GLRB: variants seen among roughly 807,000 people sequenced by gnomAD.
GLRB encodes the protein glycine receptor beta, also known as glycine receptor subunit beta.
A neutral mutation model predicts 54.2 loss-of-function variants in GLRB; 33 were observed. The ratio of observed to expected loss-of-function variants is 0.61; its 90% CI spans 0.46 to 0.81. The LOEUF is 0.81. Among genes scored for constraint, GLRB ranks in the 40% least tolerant of loss-of-function variants. The pLI is 0.00. For missense variants in GLRB, 572 were observed against 584.6 expected (o/e 0.98, Z 0.22); for synonymous variants, 209 against 208.2 (o/e 1.00, Z -0.03).
chr4:157,091,282 T>A (rs1734601023), intron 2 of GLRB: 1 of 152,224 alleles, frequency 6.6e-6, no homozygotes, highest in South Asian at 2.1e-4. Flanking sequence ...ATAAAATTAA[T>A]ATTTTTTATT....
At chr4:157,129,643 A>G (rs1259893697) in intron 4 of GLRB, among the ~76,000 whole-genome samples, 1 of 151,806 alleles carries the variant, frequency 6.6e-6, no homozygotes, top group East Asian at 1.9e-4. Flanking sequence ...AGGATGATAC[A>G]CTGAATGAAC....
chr4:157,095,539 T>C (rs1734778757), intron 2 of GLRB, among the ~76,000 whole-genome samples: 1 of 152,092 alleles, frequency 6.6e-6, no homozygotes, highest in Non-Finnish European at 1.5e-5. Context: ...TGAAACTAGA[T>C]GAGGTCACTT....
At chr4:157,114,209 T>C (rs7690517) in intron 2 of GLRB, among the ~76,000 whole-genome samples, 63,995 of 151,664 alleles carry the variant, frequency 0.42, 15,911 homozygotes, top group African/African-American at 0.7. Context: ...AGCCTTAACA[T>C]GTGATCAAGG....
chr4:157,122,243 T>C (rs1735852075), intron 3 of GLRB, 87 bp from the exon 4 acceptor site: 3 of 587,466 alleles, frequency 5.1e-6, no homozygotes, highest in Admixed American at 3.0e-5. Context: ...AAAAATATAA[T>C]AATTAAATGT....
At position 157,136,458 on chromosome 4, in the gene GLRB, T is replaced by A; in HGVS notation, c.298-11T>A. The A allele has an allele frequency of 6.8e-7, 1 of 1,481,346 alleles. No individual in the cohort carries two copies. The highest frequency in any genetic ancestry group is 9.4e-7 in the Non-Finnish European group (1 of 1,059,206). The allele number at this position is 1,481,346 out of a possible 1,614,324, so 91.8% of individuals were successfully genotyped here. ...AACATACACATGTGCACGCATGTAC[T>A]TTTTCTTCAGGACTATAGAGTTAAC... is the stretch of plus-strand genomic sequence containing the variant. On this transcript the variant is annotated splice_polypyrimidine_tract_variant and intron_variant, in intron 4 of 9. Coordinates refer to ENST00000264428, the MANE Select transcript of GLRB (RefSeq NM_000824.5).
At chr4:157,091,120 A>G (rs1013120628) in intron 2 of GLRB, among the ~76,000 whole-genome samples, 1 of 152,164 alleles carries the variant, frequency 6.6e-6, no homozygotes, top group Non-Finnish European at 1.5e-5. Context: ...TAGTAAGTCA[A>G]ACAATCACTC....
At chr4:157,122,784 G>A (rs998785146) in intron 4 of GLRB, among the ~76,000 whole-genome samples, 6 of 151,702 alleles carry the variant, frequency 4.0e-5, no homozygotes, top group Non-Finnish European at 8.8e-5. Flanking sequence ...CCAATTTCCT[G>A]AGGAGAATCC....
chr4:157,138,718 C>T, intron 6 of GLRB, 91 bp from the exon 7 acceptor site: 5 of 718,780 alleles, frequency 7.0e-6, no homozygotes, highest in Middle Eastern at 3.9e-4. Context: ...ATTTTCTTTC[C>T]TTTGCTATGT....
intron 8 of GLRB, among the ~76,000 whole-genome samples, chr4:157,150,927 T>C (rs769559270): frequency 9.9e-5 from 15 of 152,092 alleles, no homozygotes; most frequent in Non-Finnish European, 1.8e-4. Flanking sequence ...CACACCAAAG[T>C]AATGCTACTT....
At chr4:157,103,939 T>TTGTG (rs34144061) in intron 2 of GLRB, among the ~76,000 whole-genome samples, 63 of 148,632 alleles carry the variant, frequency 4.2e-4, no homozygotes, top group Middle Eastern at 3.5e-3. Context: ...GTGTGTGTGT[T>TTGTG]TGTGTGTGTG....
chr4:157,114,980 T>C (rs1735554815), intron 2 of GLRB, among the ~76,000 whole-genome samples: 2 of 151,734 alleles, frequency 1.3e-5, no homozygotes, highest in African/African-American at 4.8e-5. Flanking sequence ...GGAGTCACTA[T>C]GCACAGCTCA....
In GLRB at chr4:157,171,721, TTTTA is replaced by T. The variant is rs1305112500; in HGVS notation, c.*997_*1000del. 2 of 152,104 alleles carry T rather than the reference TTTTA, an allele frequency of 1.3e-5. No individual in the cohort carries two copies. The highest frequency in any genetic ancestry group is 2.9e-5 in the Non-Finnish European group (2 of 67,846). 9.4% of individuals were successfully genotyped at this position (152,104 alleles called of 1,614,324 possible). Reference sequence around the variant, plus strand: ...TTAAAAATGTTTACTGAATTTATTTTTTTATTTGAATATTTTGGGATTAGTTACA... The same window carrying T: ...TTAAAAATGTTTACTGAATTTATTTTTTTGAATATTTTGGGATTAGTTACA... On this transcript the variant is annotated 3_prime_UTR_variant, in exon 10 of 10. Coordinates refer to ENST00000264428, the MANE Select transcript of GLRB (RefSeq NM_000824.5).
intron 2 of GLRB, among the ~76,000 whole-genome samples, chr4:157,101,412 A>AG (rs1274860922): frequency 1.1e-4 from 17 of 152,190 alleles, no homozygotes; most frequent in Middle Eastern, 3.4e-3. Context: ...ACATAAGAAC[A>AG]TTGTTCTCAG....
At chr4:157,163,921 T>C (rs1737615308) in intron 9 of GLRB, among the ~76,000 whole-genome samples, 1 of 151,962 alleles carries the variant, frequency 6.6e-6, no homozygotes, top group Non-Finnish European at 1.5e-5. Context: ...GTCTACTCTA[T>C]CTTCCTGGAT....
chr4:157,077,858 A>G lies in GLRB; in HGVS notation c.-29-138A>G, dbSNP rs1734092384. On this transcript the variant is annotated intron_variant, in intron 1 of 9. Coordinates refer to ENST00000264428, the MANE Select transcript of GLRB (RefSeq NM_000824.5). Reference sequence around the variant, plus strand: ...ACTAAATATGTTGTGAAGTATTACCACATAGGACTGAGCAATGAGGATTTG... The same window carrying G: ...ACTAAATATGTTGTGAAGTATTACCGCATAGGACTGAGCAATGAGGATTTG... 2.2e-5 allele frequency: 13 copies of G among 587,106 alleles called. No homozygotes were observed. In the South Asian group the frequency reaches 2.6e-4, roughly 12 times the overall value. The allele number at this position is 587,106 out of a possible 1,614,324, so 36.4% of individuals were successfully genotyped here.
At chr4:157,103,730 A>C (rs1735121837) in intron 2 of GLRB, among the ~76,000 whole-genome samples, 1 of 152,068 alleles carries the variant, frequency 6.6e-6, no homozygotes, top group Non-Finnish European at 1.5e-5. Context: ...TTGGTGTTTT[A>C]TAGTTTTCGG....
At chr4:157,111,506 G>T (rs2126507859) in intron 2 of GLRB, among the ~76,000 whole-genome samples, 1 of 152,076 alleles carries the variant, frequency 6.6e-6, no homozygotes, top group South Asian at 2.1e-4. Flanking sequence ...ATATTATGCT[G>T]TGCTGGGGTT....
intron 2 of GLRB, among the ~76,000 whole-genome samples, chr4:157,101,202 A>G (rs1182536823): frequency 6.6e-6 from 1 of 152,152 alleles, no homozygotes; most frequent in Non-Finnish European, 1.5e-5. Flanking sequence ...GGTATTAATC[A>G]TTTACTAACA....
chr4:157,077,014 G>A (rs964982705), intron 1 of GLRB, among the ~76,000 whole-genome samples: 3 of 135,248 alleles, frequency 2.2e-5, no homozygotes, highest in Admixed American at 8.6e-5. Context: ...ATAAGGAGAA[G>A]CAAATTTCTG....
Sources: gnomAD v4.1 joint callset for allele counts (sites outside exome capture counted in the v4.1 genomes callset) on GRCh38, gnomAD v4.1.1 for gene constraint, MANE v1.5 for transcripts, NCBI Gene and HGNC (gene_info 2026-07-23, HGNC 2026-07-21) for gene names.